The following KIF5C variants were observed in gnomAD, a reference collection of about 807,000 sequenced individuals.
KIF5C encodes kinesin family member 5C, also known as kinesin heavy chain isoform 5C.
Under a neutral mutation model 125.2 loss-of-function variants are expected in KIF5C, and 18 were observed. The observed-to-expected ratio is 0.14, with a 90% CI of 0.10 to 0.21. The LOEUF is 0.21. Ranked by LOEUF, KIF5C falls within the 10% of genes least tolerant of loss-of-function variation. The pLI is 1.00. For missense variants in KIF5C, 780 were observed against 1,183.8 expected (o/e 0.66, Z 5.01); for synonymous variants, 405 against 434.0 (o/e 0.93, Z 0.83).
At chr2:148,950,806 C>CAAAA (rs562335483) in intron 10 of KIF5C, among the ~76,000 whole-genome samples, 1 of 110,568 alleles carries the variant, frequency 9.0e-6, no homozygotes. Context: ...GAGACTGTCT[C>CAAAA]AAAAAAAAAA....
intron 10 of KIF5C, among the ~76,000 whole-genome samples, chr2:148,961,026 C>G (rs1448710826): frequency 6.6e-6 from 1 of 152,170 alleles, no homozygotes; most frequent in Non-Finnish European, 1.5e-5. Flanking sequence ...TTGCTCTCCA[C>G]AGTTGCCCCT....
At chr2:148,968,063 A>T (rs1348846015) in intron 11 of KIF5C, among the ~76,000 whole-genome samples, 1 of 152,138 alleles carries the variant, frequency 6.6e-6, no homozygotes, top group Non-Finnish European at 1.5e-5. Context: ...TTGAAAAATA[A>T]TTTTTTACAG....
chr2:148,936,620 G>A (rs1682297969), intron 3 of KIF5C, among the ~76,000 whole-genome samples: 1 of 152,178 alleles, frequency 6.6e-6, no homozygotes, highest in African/African-American at 2.4e-5. Context: ...ACCCACTTAG[G>A]TGAAATGAGT....
intron 3 of KIF5C, among the ~76,000 whole-genome samples, chr2:148,932,166 G>C (rs1019648030): frequency 6.6e-6 from 1 of 152,096 alleles, no homozygotes; most frequent in Non-Finnish European, 1.5e-5. Context: ...AGCCCTACAG[G>C]GTCTGCATTC....
intron 10 of KIF5C, among the ~76,000 whole-genome samples, chr2:148,959,178 C>G (rs1372963575): frequency 6.6e-6 from 1 of 152,158 alleles, no homozygotes; most frequent in Non-Finnish European, 1.5e-5. Flanking sequence ...GCCCTTTCCA[C>G]TCTTCTCTAT....
intron 23 of KIF5C, among the ~76,000 whole-genome samples, chr2:149,008,814 A>G (rs747999238): frequency 4.3e-4 from 66 of 152,110 alleles, no homozygotes; most frequent in Non-Finnish European, 4.7e-4. Context: ...GTCTTCTTCA[A>G]TATTACTGAT....
intron 11 of KIF5C, among the ~76,000 whole-genome samples, chr2:148,964,549 G>T (rs1036282115): frequency 2.0e-5 from 3 of 152,202 alleles, no homozygotes; most frequent in African/African-American, 7.2e-5. Flanking sequence ...ATGTATGATG[G>T]TAGTCCACGC....
chr2:149,002,060 G>C (rs1681865405), intron 21 of KIF5C, among the ~76,000 whole-genome samples: 1 of 152,254 alleles, frequency 6.6e-6, no homozygotes, highest in South Asian at 2.1e-4. Context: ...AGCCTGTGGA[G>C]GGGGCTGCTG....
intron 12 of KIF5C, 53 bp downstream of exon 12, chr2:148,973,564 C>T: frequency 6.5e-6 from 10 of 1,529,560 alleles, no homozygotes; most frequent in South Asian, 1.3e-5. Context: ...TGAAAGATGG[C>T]AGGTCCCAGC....
At chr2:148,970,794 AAC>A (rs1396301532) in intron 11 of KIF5C, among the ~76,000 whole-genome samples, 1 of 152,196 alleles carries the variant, frequency 6.6e-6, no homozygotes. Flanking sequence ...GCTGAATCAA[AAC>A]ACACACTGGG....
At chr2:148,911,578 T>C (rs1000594553) in intron 1 of KIF5C, among the ~76,000 whole-genome samples, 1 of 152,022 alleles carries the variant, frequency 6.6e-6, no homozygotes, top group Non-Finnish European at 1.5e-5. Flanking sequence ...ACCTTCTAAA[T>C]AGTTTGATAG....
intron 2 of KIF5C, among the ~76,000 whole-genome samples, chr2:148,923,601 C>T (rs149011058): frequency 2.6e-5 from 4 of 152,028 alleles, no homozygotes; most frequent in African/African-American, 4.8e-5. Flanking sequence ...CCCTATTATT[C>T]GACTCATTCA....
At chr2:148,949,388 G>A (rs1403204631) in intron 8 of KIF5C, among the ~76,000 whole-genome samples, 1 of 152,116 alleles carries the variant, frequency 6.6e-6, no homozygotes, top group Non-Finnish European at 1.5e-5. Context: ...CTAGTCATCT[G>A]CCTGAACTTG....
At chr2:149,009,952 C>T (rs1284525241) in intron 23 of KIF5C, among the ~76,000 whole-genome samples, 183 bp from the exon 24 acceptor site, 1 of 152,140 alleles carries the variant, frequency 6.6e-6, no homozygotes, top group Admixed American at 6.5e-5. Flanking sequence ...CCCTGTGAAT[C>T]ACGTGTTCAG....
intron 11 of KIF5C, among the ~76,000 whole-genome samples, chr2:148,969,422 A>AGTGTGTGTGT (rs151238332): frequency 0.012 from 1,701 of 141,330 alleles, 20 homozygotes; most frequent in Middle Eastern, 0.055. Flanking sequence ...GAAGGTTTCC[A>AGTGTGTGTGT]GTGTGTGTGT....
In KIF5C at chr2:148,941,667, C is replaced by T. The variant is rs754481534; in HGVS notation, c.445+9C>T. ...AAGGGACTTACTTGATGGTAAGTAA[C>T]CTCAGTGCTTGTCCTTTATTTGTTC... On this transcript the variant is annotated intron_variant, in intron 5 of 25. Transcript: ENST00000435030. The T allele has an allele frequency of 1.3e-6, 2 of 1,557,968 alleles. No individual in the cohort carries two copies. Among genetic ancestry groups the T allele is most frequent in the South Asian group, 2.4e-5 (2 of 84,416 alleles).
At chr2:148,946,497 ATGAC>A (rs1368990375) in intron 7 of KIF5C, among the ~76,000 whole-genome samples, 23 of 152,232 alleles carry the variant, frequency 1.5e-4, no homozygotes, top group Non-Finnish European at 2.6e-4. Context: ...GCTTATGCAC[ATGAC>A]TAAGATAGAC....
chr2:148,896,044 T>C (rs750009253), intron 1 of KIF5C, among the ~76,000 whole-genome samples: 4 of 152,174 alleles, frequency 2.6e-5, no homozygotes, highest in Non-Finnish European at 4.4e-5. Context: ...AATGTGGGGC[T>C]TCAACAGTTA....
chr2:148,997,072 T>A (rs1430687332), intron 17 of KIF5C, among the ~76,000 whole-genome samples, 192 bp from the exon 18 acceptor site: 3 of 152,252 alleles, frequency 2.0e-5, no homozygotes, highest in Non-Finnish European at 4.4e-5. Flanking sequence ...GTGGAAGGAA[T>A]GCTTCAGGAG....
Sources: gnomAD v4.1 joint callset for allele counts (sites outside exome capture counted in the v4.1 genomes callset) on GRCh38, gnomAD v4.1.1 for gene constraint, MANE v1.5 for transcripts, NCBI Gene and HGNC (gene_info 2026-07-23, HGNC 2026-07-21) for gene names.